Variants in LOC128125817 observed in about 807,000 individuals in gnomAD.
chr1:41,615,230 TTAAA>T, the LOC128125817 span, among the ~76,000 whole-genome samples: 13 of 152,364 alleles, frequency 8.5e-5, no homozygotes, highest in African/African-American at 1.7e-4. Context: ...TTTTACTGAA[TTAAA>T]TAAATAATTT....
the LOC128125817 span, among the ~76,000 whole-genome samples, chr1:41,588,740 C>A: frequency 6.6e-6 from 1 of 152,164 alleles, no homozygotes; most frequent in South Asian, 2.1e-4. Context: ...GTGAGCGAGG[C>A]CTGTGAGCTG....
chr1:41,613,348 G>A, the LOC128125817 span, among the ~76,000 whole-genome samples: 230 of 152,320 alleles, frequency 1.5e-3, 2 homozygotes, highest in African/African-American at 5.3e-3. Context: ...GGCGGGTCTC[G>A]TGACATTTTA....
the LOC128125817 span, among the ~76,000 whole-genome samples, chr1:41,612,468 C>A: frequency 6.6e-6 from 1 of 152,224 alleles, no homozygotes; most frequent in African/African-American, 2.4e-5. Flanking sequence ...CAATGTCTAA[C>A]ATACTTCATA....
chr1:41,615,015 G>A, the LOC128125817 span, among the ~76,000 whole-genome samples: 1 of 152,266 alleles, frequency 6.6e-6, no homozygotes, highest in East Asian at 1.9e-4. Context: ...GGCCAGGTGG[G>A]CCCCACCCTT....
chr1:41,611,164 G>A, the LOC128125817 span, among the ~76,000 whole-genome samples: 2 of 152,222 alleles, frequency 1.3e-5, no homozygotes, highest in Admixed American at 1.3e-4. Flanking sequence ...AGGGAATTAT[G>A]AGCAAATGAA....
chr1:41,585,428 C>T, the LOC128125817 span: 13 of 398,186 alleles, frequency 3.3e-5, no homozygotes, highest in East Asian at 4.6e-4. Flanking sequence ...CCACACCTGG[C>T]TGAGACCCCT....
At chr1:41,626,179 C>A in the LOC128125817 span, among the ~76,000 whole-genome samples, 3 of 151,568 alleles carry the variant, frequency 2.0e-5, no homozygotes, top group Admixed American at 6.6e-5. Flanking sequence ...TGATGGGCCA[C>A]CCCGCCCTCC....
At chr1:41,601,011 A>T in the LOC128125817 span, among the ~76,000 whole-genome samples, 3 of 152,168 alleles carry the variant, frequency 2.0e-5, no homozygotes, top group Non-Finnish European at 2.9e-5. Flanking sequence ...TATTGAAGAG[A>T]CTACCCTTCC....
chr1:41,617,248 G>T, the LOC128125817 span, among the ~76,000 whole-genome samples: 1 of 151,608 alleles, frequency 6.6e-6, no homozygotes, highest in African/African-American at 2.4e-5. Context: ...ACAGACTGAT[G>T]CATTCATTGT....
At chr1:41,599,469 A>G in the LOC128125817 span, among the ~76,000 whole-genome samples, 2 of 152,226 alleles carry the variant, frequency 1.3e-5, no homozygotes, top group Admixed American at 1.3e-4. Context: ...ATAATAGAGT[A>G]GAAAGACAAA....
the LOC128125817 span, among the ~76,000 whole-genome samples, chr1:41,596,447 C>G: frequency 1.2e-4 from 19 of 152,246 alleles, no homozygotes; most frequent in East Asian, 3.3e-3. Context: ...TGCTGTTCCC[C>G]CAAGAAGCCT....
the LOC128125817 span, among the ~76,000 whole-genome samples, chr1:41,616,108 T>G: frequency 6.6e-6 from 1 of 152,030 alleles, no homozygotes; most frequent in Non-Finnish European, 1.5e-5. Context: ...TCCCAAAGCC[T>G]GTGACATGTG....
At chr1:41,617,297 A>G in the LOC128125817 span, among the ~76,000 whole-genome samples, 1 of 152,200 alleles carries the variant, frequency 6.6e-6, no homozygotes, top group East Asian at 1.9e-4. Context: ...ACATGGATCA[A>G]TGTGTGTGTT....
At chr1:41,594,344 T>C in the LOC128125817 span, among the ~76,000 whole-genome samples, 2 of 152,158 alleles carry the variant, frequency 1.3e-5, no homozygotes, top group African/African-American at 4.8e-5. Flanking sequence ...TGCCTCAGCC[T>C]CCTGAGTAGC....
the LOC128125817 span, among the ~76,000 whole-genome samples, chr1:41,612,572 T>C: frequency 6.6e-6 from 1 of 152,252 alleles, no homozygotes; most frequent in African/African-American, 2.4e-5. Context: ...GGAAAGTGGC[T>C]GGGCTGGATC....
At chr1:41,602,171 C>T in the LOC128125817 span, among the ~76,000 whole-genome samples, 1 of 150,240 alleles carries the variant, frequency 6.7e-6, no homozygotes, top group African/African-American at 2.5e-5. Flanking sequence ...ATTTTTGCAT[C>T]TATATTCATT....
At chr1:41,614,902 C>G in the LOC128125817 span, among the ~76,000 whole-genome samples, 1 of 152,176 alleles carries the variant, frequency 6.6e-6, no homozygotes, top group Non-Finnish European at 1.5e-5. Context: ...TTCTTCCATG[C>G]TGTTTTAAGT....
chr1:41,616,097 C>A, the LOC128125817 span, among the ~76,000 whole-genome samples: 269 of 152,226 alleles, frequency 1.8e-3, 1 homozygote, highest in African/African-American at 6.2e-3. Context: ...TCTCCCTCCA[C>A]TCCCAAAGCC....
At chr1:41,614,718 A>G in the LOC128125817 span, among the ~76,000 whole-genome samples, 1 of 152,246 alleles carries the variant, frequency 6.6e-6, no homozygotes, top group Non-Finnish European at 1.5e-5. Context: ...GAAGATGGGT[A>G]AGTCACTTAG....
Sources: allele counts gnomAD v4.1 joint callset (sites outside exome capture counted in the v4.1 genomes callset), GRCh38; gene constraint gnomAD v4.1.1; transcripts MANE v1.5.